The following KLF12 variants were observed in gnomAD, a reference collection of about 807,000 sequenced individuals.
The protein encoded by KLF12 is Krueppel-like factor 12.
In KLF12, 9 loss-of-function variants were observed where a neutral mutation model predicts 37.8. The observed-to-expected ratio is 0.24, with a 90% CI of 0.14 to 0.42. The LOEUF (loss-of-function observed/expected upper bound fraction) is 0.42, where lower values mean the gene tolerates loss of function less well. Among genes scored for constraint, KLF12 ranks in the 10% least tolerant of loss-of-function variants. The pLI is 1.00. For missense variants in KLF12, 411 were observed against 516.0 expected, an observed-to-expected ratio of 0.80 and a Z score of 1.97; for synonymous variants, 208 against 202.1, an observed-to-expected ratio of 1.03 and a Z score of -0.25.
chr13:74,017,242 A>G lies in KLF12; in HGVS notation c.-31-22189T>C, dbSNP rs115663629. 3.8e-3 allele frequency among the ~76,000 whole-genome samples: 549 copies of G among 145,924 alleles called. 9 individuals are homozygous for G. Among genetic ancestry groups the G allele is most frequent in the African/African-American group, 0.013 (519 of 39,904 alleles). ...AAGTGAACTAAAAATGAGCGAATAA[A>G]TAAGTGCCCTCAACCTAAAAAAAAA... On this transcript the variant is annotated intron_variant, in intron 1 of 7. Coordinates refer to ENST00000377669, the MANE Select transcript of KLF12 (RefSeq NM_007249.5).
chr13:73,803,605 C>G (rs1344213574), intron 5 of KLF12, among the ~76,000 whole-genome samples: 1 of 151,774 alleles, frequency 6.6e-6, no homozygotes, highest in Non-Finnish European at 1.5e-5. Context: ...CTCCCACCCC[C>G]TCCACTAGAA....
chr13:74,067,690 G>C (rs1298466662), intron 1 of KLF12, among the ~76,000 whole-genome samples: 1 of 126,314 alleles, frequency 7.9e-6, no homozygotes, highest in Non-Finnish European at 1.7e-5. Context: ...ACCAACCAAA[G>C]AATAGTTTTA....
At chr13:74,146,746 T>C in the KLF12 span, among the ~76,000 whole-genome samples, 1 of 152,226 alleles carries the variant, frequency 6.6e-6, no homozygotes, top group African/African-American at 2.4e-5. Flanking sequence ...GTTTGATGTG[T>C]ATTTTCTCAT....
At chr13:73,850,020 T>C (rs909386178) in intron 3 of KLF12, among the ~76,000 whole-genome samples, 4 of 152,176 alleles carry the variant, frequency 2.6e-5, no homozygotes, top group Non-Finnish European at 5.9e-5. Flanking sequence ...TTATATAATA[T>C]TCCTTGAAAA....
At chr13:73,698,994 G>A (rs952955781) in intron 7 of KLF12, among the ~76,000 whole-genome samples, 16 of 152,080 alleles carry the variant, frequency 1.1e-4, no homozygotes, top group Non-Finnish European at 2.1e-4. Context: ...AGTCCTCTCA[G>A]TGATAAACAC....
At chr13:74,242,713 GC>G in the KLF12 span, among the ~76,000 whole-genome samples, 1 of 152,088 alleles carries the variant, frequency 6.6e-6, no homozygotes, top group East Asian at 1.9e-4. Context: ...TAGGTGTAGG[GC>G]TTGAGCATCC....
intron 1 of KLF12, among the ~76,000 whole-genome samples, chr13:74,124,153 T>C (rs933681332): frequency 4.6e-5 from 7 of 152,214 alleles, no homozygotes; most frequent in Non-Finnish European, 8.8e-5. Context: ...AAAAATTCCA[T>C]TAATGCTTTT....
chr13:74,195,561 A>G, the KLF12 span, among the ~76,000 whole-genome samples: 7 of 152,182 alleles, frequency 4.6e-5, no homozygotes, highest in Non-Finnish European at 1.0e-4. Context: ...GGCAAGACTC[A>G]CAAACAGGGA....
chr13:73,844,349 T>C (rs913516122), intron 4 of KLF12, among the ~76,000 whole-genome samples: 1 of 152,228 alleles, frequency 6.6e-6, no homozygotes, highest in African/African-American at 2.4e-5. Context: ...GTCAGCAATA[T>C]CAAAGAGGGT....
chr13:73,828,455 T>C lies in KLF12; in HGVS notation c.671-15168A>G, dbSNP rs1286673079. Among the ~76,000 whole-genome samples the C allele has an allele frequency of 2.6e-5, 4 of 152,224 alleles. No individual in the cohort carries two copies. In the South Asian group the frequency reaches 6.2e-4, roughly 24 times the overall value. Reference sequence around the variant, plus strand: ...TCTTAACTTTTCTTTCATGTTTTTGTCAGCTTTTCTACTTGTGCCAGAACA... The same window carrying C: ...TCTTAACTTTTCTTTCATGTTTTTGCCAGCTTTTCTACTTGTGCCAGAACA... On this transcript the variant is annotated intron_variant, in intron 4 of 7. Coordinates refer to ENST00000377669, the MANE Select transcript of KLF12 (RefSeq NM_007249.5).
At chr13:73,787,472 G>A (rs2138241013) in intron 5 of KLF12, among the ~76,000 whole-genome samples, 1 of 152,124 alleles carries the variant, frequency 6.6e-6, no homozygotes, top group Non-Finnish European at 1.5e-5. Flanking sequence ...TAAATAATCA[G>A]TAAATTAATT....
At chr13:73,934,656 T>G (rs1464152046) in intron 3 of KLF12, among the ~76,000 whole-genome samples, 1 of 152,162 alleles carries the variant, frequency 6.6e-6, no homozygotes, top group African/African-American at 2.4e-5. Flanking sequence ...GACTATGTCC[T>G]TTATTACTTG....
At chr13:74,028,279 C>A (rs140287381) in intron 1 of KLF12, among the ~76,000 whole-genome samples, 1 of 152,122 alleles carries the variant, frequency 6.6e-6, no homozygotes, top group Non-Finnish European at 1.5e-5. Context: ...TAATTTATTA[C>A]GAGGAAATAG....
chr13:73,746,973 C>A (rs536823435), intron 6 of KLF12, among the ~76,000 whole-genome samples: 6 of 151,924 alleles, frequency 3.9e-5, no homozygotes, highest in Non-Finnish European at 8.8e-5. Context: ...TACCACCACA[C>A]CTGGCTAATT....
chr13:73,830,287 CAT>C (rs1884084744), intron 4 of KLF12, among the ~76,000 whole-genome samples: 1 of 92,504 alleles, frequency 1.1e-5, no homozygotes, highest in Non-Finnish European at 2.6e-5. Flanking sequence ...TATGACATAT[CAT>C]GATACCAACA....
At chr13:74,145,160 A>C in the KLF12 span, among the ~76,000 whole-genome samples, 13 of 152,276 alleles carry the variant, frequency 8.5e-5, no homozygotes, top group African/African-American at 3.1e-4. Flanking sequence ...TGACCACATA[A>C]AGATTATAAT....
chr13:73,702,787 A>T (rs907925741), intron 7 of KLF12, among the ~76,000 whole-genome samples: 25 of 152,314 alleles, frequency 1.6e-4, no homozygotes, highest in Non-Finnish European at 2.9e-4. Context: ...TGAGGAAAAA[A>T]ACAAGAATCA....
intron 3 of KLF12, among the ~76,000 whole-genome samples, chr13:73,925,723 C>T (rs1307295029): frequency 6.6e-6 from 1 of 152,086 alleles, no homozygotes; most frequent in African/African-American, 2.4e-5. Flanking sequence ...AAATTGATAA[C>T]TTTCTGGCAA....
At chr13:74,115,006 G>A (rs1242900734) in intron 1 of KLF12, among the ~76,000 whole-genome samples, 1 of 151,924 alleles carries the variant, frequency 6.6e-6, no homozygotes, top group Non-Finnish European at 1.5e-5. Flanking sequence ...GACGATCTAA[G>A]GTAGAAACCA....
Sources: gnomAD v4.1 joint callset for allele counts (sites outside exome capture counted in the v4.1 genomes callset) on GRCh38, gnomAD v4.1.1 for gene constraint, MANE v1.5 for transcripts, NCBI Gene and HGNC (gene_info 2026-07-23, HGNC 2026-07-21) for gene names.